The following PCSK5 variants were observed in gnomAD, a reference collection of about 807,000 sequenced individuals.
PCSK5 encodes the protein proprotein convertase subtilisin/kexin type 5, also known as prohormone convertase 5.
PCSK5 carries 129 observed loss-of-function variants against 233.2 expected under a neutral mutation model. The observed-to-expected ratio is 0.55, with a 90% CI of 0.48 to 0.64. The LOEUF (loss-of-function observed/expected upper bound fraction) is 0.64. PCSK5 is among the 30% of genes least tolerant of loss of function. The probability of loss-of-function intolerance (pLI) is 0.00; values close to 1 mark genes in which losing one functional copy is unlikely to be tolerated. For missense variants in PCSK5, 2,076 were observed against 2,430.1 expected (o/e 0.85, Z 3.06); for synonymous variants, 825 against 879.2 (o/e 0.94, Z 1.09).
At chr9:76,297,989 C>T (rs1828496249) in intron 27 of PCSK5, among the ~76,000 whole-genome samples, 1 of 152,198 alleles carries the variant, frequency 6.6e-6, no homozygotes, top group Non-Finnish European at 1.5e-5. Flanking sequence ...GAAGATTATT[C>T]AATCCAGATT....
intron 32 of PCSK5, among the ~76,000 whole-genome samples, chr9:76,325,792 C>G (rs1829343616): frequency 6.6e-6 from 1 of 152,178 alleles, no homozygotes; most frequent in Non-Finnish European, 1.5e-5. Flanking sequence ...CATGTGCCAC[C>G]ACACCCAGCT....
In PCSK5 at chr9:76,131,979, T is replaced by C. The variant is rs116370354; in HGVS notation, c.1209-2130T>C. On this transcript the variant is annotated intron_variant, in intron 9 of 37. Transcript: ENST00000674117. ...GTTTACTCATGACAAAATAAAAACA[T>C]TCATGTTCATTTGGGAGGATTCTGC... Among the ~76,000 whole-genome samples the C allele has an allele frequency of 3.4e-3, 511 of 152,244 alleles. 2 individuals carry two copies. Among genetic ancestry groups the C allele is most frequent in the African/African-American group, 0.012 (494 of 41,570 alleles).
Position 76,139,189 on chromosome 9 carries a change from A to G in PCSK5, c.1312+4977A>G, listed in dbSNP as rs575493407. On this transcript the variant is annotated intron_variant, in intron 10 of 37. Coordinates refer to ENST00000674117, the MANE Select transcript of PCSK5 (RefSeq NM_001372043.1). Reference sequence around the variant, plus strand: ...TCAGTTTGTAACACTTATTAAAAAGAATTCAAAGTGCTGAAACCATTAAGC... The same window carrying G: ...TCAGTTTGTAACACTTATTAAAAAGGATTCAAAGTGCTGAAACCATTAAGC... Among the ~76,000 whole-genome samples the G allele has an allele frequency of 8.3e-4, 126 of 152,280 alleles. 2 individuals carry two copies. In the South Asian group the frequency reaches 0.025, roughly 30 times the overall value.
chr9:75,937,577 C>T (rs1041962373), intron 2 of PCSK5, among the ~76,000 whole-genome samples: 12 of 152,136 alleles, frequency 7.9e-5, no homozygotes, highest in African/African-American at 1.9e-4. Flanking sequence ...GCCCCTAACA[C>T]GAGAGGTATC....
chr9:76,177,364 T>A (rs1486565838), intron 14 of PCSK5, among the ~76,000 whole-genome samples: 1 of 152,108 alleles, frequency 6.6e-6, no homozygotes, highest in Non-Finnish European at 1.5e-5. Flanking sequence ...TGAGAAATAT[T>A]TTTTCTTGCA....
intron 1 of PCSK5, among the ~76,000 whole-genome samples, chr9:75,910,580 CT>C (rs113232033): frequency 0.06 from 8,794 of 146,070 alleles, 369 homozygotes; most frequent in African/African-American, 0.11. Flanking sequence ...ATACAGAGTT[CT>C]TTTTTTTTTT....
At chr9:75,974,685 A>G (rs1323720627) in intron 2 of PCSK5, among the ~76,000 whole-genome samples, 1 of 152,222 alleles carries the variant, frequency 6.6e-6, no homozygotes, top group Non-Finnish European at 1.5e-5. Flanking sequence ...ACACCAAGTC[A>G]GAGACCTTCC....
At chr9:76,287,498 C>A (rs889015032) in intron 24 of PCSK5, 1 of 154,156 alleles carries the variant, frequency 6.5e-6, no homozygotes, top group South Asian at 2.0e-4. Flanking sequence ...CTCACTCTGT[C>A]GCCCAGGCTG....
intron 20 of PCSK5, chr9:76,193,492 C>G (rs1824527441): frequency 1.5e-6 from 1 of 663,144 alleles, no homozygotes; most frequent in Admixed American, 3.4e-5. Flanking sequence ...TTCTCTCTCT[C>G]TCAAGTTTGT....
intron 24 of PCSK5, among the ~76,000 whole-genome samples, chr9:76,257,654 T>C (rs1827027561): frequency 6.6e-6 from 1 of 152,142 alleles, no homozygotes; most frequent in Non-Finnish European, 1.5e-5. Flanking sequence ...GAACGGGGAC[T>C]AAACGCTGCG....
chr9:76,110,533 C>A (rs957459467), intron 9 of PCSK5, among the ~76,000 whole-genome samples: 1 of 152,152 alleles, frequency 6.6e-6, no homozygotes, highest in Non-Finnish European at 1.5e-5. Context: ...ATTCAAAAAC[C>A]TTCCCAGGAA....
intron 3 of PCSK5, 45 bp downstream of exon 3, chr9:75,986,290 T>G (rs371579172): frequency 6.4e-5 from 72 of 1,116,734 alleles, no homozygotes; most frequent in Middle Eastern, 3.9e-4. Flanking sequence ...GTCATCCGGT[T>G]TTGTGTTGTA....
chr9:76,150,690 C>T (rs1039073453), intron 10 of PCSK5, among the ~76,000 whole-genome samples: 20 of 152,266 alleles, frequency 1.3e-4, no homozygotes, highest in African/African-American at 4.6e-4. Context: ...CCAGCTGCTA[C>T]GTTTTACTAC....
chr9:75,911,550 C>T (rs1822739461), intron 1 of PCSK5, among the ~76,000 whole-genome samples: 1 of 152,042 alleles, frequency 6.6e-6, no homozygotes, highest in South Asian at 2.1e-4. Flanking sequence ...AGTGTGCCAA[C>T]TTGCTTAGAA....
At chr9:76,219,316 C>A (rs539125948) in intron 20 of PCSK5, among the ~76,000 whole-genome samples, 98 of 152,140 alleles carry the variant, frequency 6.4e-4, no homozygotes, top group Admixed American at 3.9e-3. Context: ...TCCCATGGGG[C>A]AATGGAGCAG....
At chr9:76,290,122 G>C (rs779896539) in intron 24 of PCSK5, among the ~76,000 whole-genome samples, 3 of 152,208 alleles carry the variant, frequency 2.0e-5, no homozygotes, top group Non-Finnish European at 4.4e-5. Flanking sequence ...GCAGAGTAAA[G>C]TAAGCTGCCC....
intron 24 of PCSK5, among the ~76,000 whole-genome samples, chr9:76,247,009 G>C (rs1390598372): frequency 6.6e-6 from 1 of 152,236 alleles, no homozygotes; most frequent in Non-Finnish European, 1.5e-5. Context: ...GAGTGTTATA[G>C]CTCTATTAGA....
In PCSK5 at chr9:76,229,346, C is replaced by A. The variant is rs117492410; in HGVS notation, c.2729+1741C>A. ...TAAGGCAGCTACCACCCTTCTTTTACAATTTTATAAACCACTGGGTTTAGC... is the reference window on the plus strand; with the variant it reads ...TAAGGCAGCTACCACCCTTCTTTTAAAATTTTATAAACCACTGGGTTTAGC... On this transcript the variant is annotated intron_variant, in intron 21 of 37. Transcript: ENST00000674117. Among the ~76,000 whole-genome samples, 292 of 152,272 alleles carry A rather than the reference C, an allele frequency of 1.9e-3. 9 individuals are homozygous for A. In the East Asian group the frequency reaches 0.044, roughly 23 times the overall value.
intron 24 of PCSK5, among the ~76,000 whole-genome samples, chr9:76,244,098 C>T (rs1047033648): frequency 6.6e-6 from 1 of 152,102 alleles, no homozygotes; most frequent in Admixed American, 6.6e-5. Context: ...TGATGGCATG[C>T]ACCTGTGGTC....
Sources: allele counts gnomAD v4.1 joint callset (sites outside exome capture counted in the v4.1 genomes callset), GRCh38; gene constraint gnomAD v4.1.1; transcripts MANE v1.5; gene names NCBI Gene and HGNC (gene_info 2026-07-23, HGNC 2026-07-21).